The following PTPRD variants were observed in gnomAD, a reference collection of about 807,000 sequenced individuals.
PTPRD encodes the protein receptor-type tyrosine-protein phosphatase delta.
In PTPRD, 34 loss-of-function variants were observed where a neutral mutation model predicts 214.5. The ratio of observed to expected loss-of-function variants is 0.16; its 90% confidence interval spans 0.12 to 0.21. The LOEUF is 0.21. PTPRD is among the 10% of genes least tolerant of loss of function. The probability of loss-of-function intolerance (pLI) is 1.00; values close to 1 mark genes in which losing one functional copy is unlikely to be tolerated. For synonymous variants in PTPRD, 1,128 were observed against 845.7 expected (o/e 1.33, Z -5.79); for missense variants, 2,545 against 2,398.7 (o/e 1.06, Z -1.27).
chr9:8,904,575 G>C (rs765506449), intron 11 of PTPRD, among the ~76,000 whole-genome samples: 2 of 151,780 alleles, frequency 1.3e-5, no homozygotes, highest in Non-Finnish European at 2.9e-5. Context: ...TGGAGGCTGA[G>C]GCATGGGAAT....
chr9:8,340,274 G>GAAAC, intron 42 of PTPRD, 69 bp downstream of exon 42: 1 of 1,474,750 alleles, frequency 6.8e-7, no homozygotes, highest in Non-Finnish European at 9.2e-7. Flanking sequence ...AAGAGTTATT[G>GAAAC]AAACAAAGTC....
intron 10 of PTPRD, among the ~76,000 whole-genome samples, chr9:9,122,304 T>C (rs934114907): frequency 8.5e-5 from 13 of 152,184 alleles, no homozygotes; most frequent in Non-Finnish European, 1.9e-4. Context: ...ATCCTTTGCC[T>C]TTTAAAACAA....
At chr9:9,141,771 A>G in intron 10 of PTPRD, among the ~76,000 whole-genome samples, 1 of 151,112 alleles carries the variant, frequency 6.6e-6, no homozygotes, top group African/African-American at 2.4e-5. Flanking sequence ...ATTAATATAA[A>G]CATATTCATA....
At chr9:9,533,163 A>C (rs182135736) in intron 8 of PTPRD, among the ~76,000 whole-genome samples, 1 of 152,116 alleles carries the variant, frequency 6.6e-6, no homozygotes, top group African/African-American at 2.4e-5. Context: ...AGGGCTCCTT[A>C]AGGAGGGCAT....
chr9:8,572,619 G>A (rs1351234585), intron 14 of PTPRD, among the ~76,000 whole-genome samples: 1 of 151,906 alleles, frequency 6.6e-6, no homozygotes, highest in African/African-American at 2.4e-5. Context: ...TCTTCAAGGG[G>A]AATTAGGCAC....
rs531731994 is a variant in PTPRD, at chr9:9,844,141, C to T, written c.-367-77290G>A. Among the ~76,000 whole-genome samples the T allele has an allele frequency of 6.6e-5, 10 of 151,880 alleles. No homozygotes were observed. In the East Asian group the frequency reaches 9.7e-4, roughly 15 times the overall value. On this transcript the variant is annotated intron_variant, in intron 5 of 45. Transcript: ENST00000381196. The stretch of plus-strand genomic sequence containing the variant: ...AGCAATTGATTTTTTTCATTGTTTA[C>T]TGCCTTAATTTTATTGTTTTTTGTC...
rs1378456708 is a variant in PTPRD, at chr9:8,900,075, G to C, written c.-104+118622C>G. Among the ~76,000 whole-genome samples, 3 of 152,096 alleles carry C rather than the reference G, an allele frequency of 2.0e-5. No homozygotes were observed. In the East Asian group the frequency reaches 5.8e-4, roughly 29 times the overall value. On this transcript the variant is annotated intron_variant, in intron 11 of 45. Transcript: ENST00000381196. ...TATCAAAACTGCATTGTCAAGCTGA[G>C]TAATGGACTATTCTATTCAACGACT... is the stretch of plus-strand genomic sequence containing the variant.
intron 11 of PTPRD, among the ~76,000 whole-genome samples, chr9:8,734,289 G>A (rs928731310): frequency 3.9e-5 from 6 of 152,152 alleles, no homozygotes; most frequent in Non-Finnish European, 7.3e-5. Context: ...GAAACATTAC[G>A]TAAATACATC....
intron 4 of PTPRD, among the ~76,000 whole-genome samples, chr9:9,978,330 G>A (rs2095429161): frequency 6.6e-6 from 1 of 151,920 alleles, no homozygotes; most frequent in South Asian, 2.1e-4. Flanking sequence ...ATTAAAAGAT[G>A]GGGAACTTTA....
At position 9,629,652 on chromosome 9, in the gene PTPRD, A is replaced by G. The variant is rs1175362187; in HGVS notation, c.-286-54871T>C. On this transcript the variant is annotated intron_variant, in intron 7 of 45. Transcript: ENST00000381196. Reference sequence around the variant, plus strand: ...GATCAGATAACTTGATCTAACAGATACCAACAACAAACTACCTGTTGCTGT... The same window carrying G: ...GATCAGATAACTTGATCTAACAGATGCCAACAACAAACTACCTGTTGCTGT... Among the ~76,000 whole-genome samples, 3 of 152,324 alleles carry G rather than the reference A, an allele frequency of 2.0e-5. No homozygotes were observed. The East Asian group carries it at 5.8e-4, about 29-fold the overall frequency.
At chr9:10,395,281 G>A (rs1434016546) in intron 2 of PTPRD, among the ~76,000 whole-genome samples, 1 of 149,984 alleles carries the variant, frequency 6.7e-6, no homozygotes. Context: ...GCCCCAGTGT[G>A]TGAGGCTTCC....
intron 2 of PTPRD, among the ~76,000 whole-genome samples, chr9:10,585,090 C>A (rs2073460299): frequency 6.6e-6 from 1 of 151,966 alleles, no homozygotes; most frequent in Non-Finnish European, 1.5e-5. Context: ...GTGAAATAGG[C>A]TTATATAACA....
At chr9:10,138,936 A>G (rs2098962028) in intron 3 of PTPRD, among the ~76,000 whole-genome samples, 1 of 152,124 alleles carries the variant, frequency 6.6e-6, no homozygotes, top group Non-Finnish European at 1.5e-5. Flanking sequence ...CCTATAGCTA[A>G]TATCACACCA....
chr9:9,435,620 A>G (rs774224114), intron 8 of PTPRD, among the ~76,000 whole-genome samples: 1 of 152,140 alleles, frequency 6.6e-6, no homozygotes, highest in East Asian at 1.9e-4. Context: ...ACTGCCTTTC[A>G]TAACTATTTT....
intron 12 of PTPRD, among the ~76,000 whole-genome samples, chr9:8,723,898 C>T (rs1268902221): frequency 1.3e-5 from 2 of 152,122 alleles, no homozygotes; most frequent in African/African-American, 4.8e-5. Context: ...GATTTAAGTA[C>T]TTAGTGTATC....
chr9:9,258,171 T>A (rs978297328), intron 9 of PTPRD, among the ~76,000 whole-genome samples: 1 of 151,806 alleles, frequency 6.6e-6, no homozygotes, highest in African/African-American at 2.4e-5. Context: ...AACATTACGA[T>A]GGCTGACAGC....
intron 11 of PTPRD, among the ~76,000 whole-genome samples, chr9:8,786,194 G>C (rs563411322): frequency 6.6e-6 from 1 of 152,006 alleles, no homozygotes; most frequent in South Asian, 2.1e-4. Flanking sequence ...ATAAATTAAC[G>C]ACTCAGAGAT....
At chr9:8,572,027 G>C (rs956828081) in intron 14 of PTPRD, among the ~76,000 whole-genome samples, 4 of 152,050 alleles carry the variant, frequency 2.6e-5, no homozygotes, top group Admixed American at 6.6e-5. Flanking sequence ...AGATATTAAA[G>C]CCAAAATGTG....
chr9:10,514,627 T>C (rs1257862865), intron 2 of PTPRD, among the ~76,000 whole-genome samples: 1 of 151,936 alleles, frequency 6.6e-6, no homozygotes, highest in Admixed American at 6.6e-5. Flanking sequence ...GAACTTTTAT[T>C]TGAATAGTTA....
Sources: gnomAD v4.1 joint callset for allele counts (sites outside exome capture counted in the v4.1 genomes callset) on GRCh38, gnomAD v4.1.1 for gene constraint, MANE v1.5 for transcripts, NCBI Gene and HGNC (gene_info 2026-07-23, HGNC 2026-07-21) for gene names.